The following CNTNAP2 variants were observed in gnomAD, a reference collection of about 807,000 sequenced individuals.
The protein encoded by CNTNAP2 is contactin-associated protein-like 2.
A neutral mutation model predicts 155.2 loss-of-function variants in CNTNAP2; 98 were observed. The ratio of observed to expected loss-of-function variants is 0.63; its 90% CI spans 0.54 to 0.75. The LOEUF is 0.75. Ranked by LOEUF, CNTNAP2 falls within the 30% of genes least tolerant of loss-of-function variation. CNTNAP2 has a pLI of 0.00. For synonymous variants in CNTNAP2, 651 were observed against 631.2 expected, an observed-to-expected ratio of 1.03 and a Z score of -0.47; for missense variants, 1,727 against 1,688.1, an observed-to-expected ratio of 1.02 and a Z score of -0.40.
chr7:147,622,319 T>C (rs914899625), intron 12 of CNTNAP2, among the ~76,000 whole-genome samples: 3 of 152,120 alleles, frequency 2.0e-5, no homozygotes, highest in Middle Eastern at 3.4e-3. Context: ...TTTCATCCAA[T>C]GGCTACAGAT....
At chr7:147,205,316 T>TAAA (rs1803001217) in intron 8 of CNTNAP2, among the ~76,000 whole-genome samples, 1 of 152,138 alleles carries the variant, frequency 6.6e-6, no homozygotes, top group African/African-American at 2.4e-5. Context: ...TTTGTTCTTT[T>TAAA]TGCTCAGGGT....
intron 8 of CNTNAP2, among the ~76,000 whole-genome samples, chr7:147,252,217 G>T (rs1423899298): frequency 1.3e-5 from 2 of 152,192 alleles, no homozygotes; most frequent in African/African-American, 2.4e-5. Flanking sequence ...TCTGGTTAAA[G>T]ATTAGGCTAC....
At chr7:147,360,783 C>G (rs919639009) in intron 9 of CNTNAP2, among the ~76,000 whole-genome samples, 2 of 152,114 alleles carry the variant, frequency 1.3e-5, no homozygotes, top group Non-Finnish European at 2.9e-5. Context: ...TTCGACCCCC[C>G]ACCTGCCATT....
chr7:147,232,871 AT>A (rs1715823590), intron 8 of CNTNAP2, among the ~76,000 whole-genome samples: 1 of 152,226 alleles, frequency 6.6e-6, no homozygotes, highest in Non-Finnish European at 1.5e-5. Context: ...AAAATAAACC[AT>A]GTAAAAGAGG....
intron 15 of CNTNAP2, among the ~76,000 whole-genome samples, chr7:148,027,098 C>T (rs947624393): frequency 7.9e-5 from 12 of 152,104 alleles, no homozygotes; most frequent in Non-Finnish European, 1.5e-4. Context: ...GGTTTTCACA[C>T]GACTGTGTGT....
At chr7:146,777,170 G>C (rs1207794789) in intron 2 of CNTNAP2, among the ~76,000 whole-genome samples, 1 of 151,926 alleles carries the variant, frequency 6.6e-6, no homozygotes. Context: ...TTATCACGTT[G>C]GGAAAGAAAG....
At chr7:146,189,157 TC>T (rs1406728796) in intron 1 of CNTNAP2, among the ~76,000 whole-genome samples, 2 of 152,190 alleles carry the variant, frequency 1.3e-5, no homozygotes, top group Non-Finnish European at 2.9e-5. Context: ...TCTAATTCTC[TC>T]AGGTAATGAA....
intron 15 of CNTNAP2, among the ~76,000 whole-genome samples, chr7:148,076,899 T>C (rs1803497525): frequency 6.6e-6 from 1 of 152,216 alleles, no homozygotes; most frequent in African/African-American, 2.4e-5. Flanking sequence ...TTCATCTAGC[T>C]GTATGGATAA....
intron 16 of CNTNAP2, among the ~76,000 whole-genome samples, chr7:148,143,356 C>T (rs1412543801): frequency 3.9e-5 from 6 of 152,112 alleles, no homozygotes; most frequent in Non-Finnish European, 1.5e-5. Flanking sequence ...CATAAGAAAT[C>T]CTAAGGTAGA....
At chr7:147,136,054 A>C (rs1162039375) in intron 8 of CNTNAP2, among the ~76,000 whole-genome samples, 3 of 151,754 alleles carry the variant, frequency 2.0e-5, no homozygotes, top group Non-Finnish European at 4.4e-5. Context: ...CTTTTGAAGT[A>C]AGTTTTTATT....
At chr7:146,265,447 T>C (rs1799979855) in intron 1 of CNTNAP2, among the ~76,000 whole-genome samples, 1 of 137,182 alleles carries the variant, frequency 7.3e-6, no homozygotes, top group African/African-American at 3.7e-5. Context: ...TTCTTTTTTT[T>C]TCTTTCTTTC....
At chr7:148,362,335 A>G (rs1177943) in intron 21 of CNTNAP2, among the ~76,000 whole-genome samples, 48,791 of 152,104 alleles carry the variant, frequency 0.32, 8,368 homozygotes, top group Non-Finnish European at 0.39. Flanking sequence ...ATTACAGTTC[A>G]AGGTGAGATT....
chr7:146,561,062 A>T (rs1473965649), intron 1 of CNTNAP2, among the ~76,000 whole-genome samples: 1 of 152,168 alleles, frequency 6.6e-6, no homozygotes, highest in South Asian at 2.1e-4. Flanking sequence ...ATTTTTAAAA[A>T]CATGTCTGCA....
chr7:146,587,922 C>T (rs980941652), intron 1 of CNTNAP2, among the ~76,000 whole-genome samples: 2 of 151,984 alleles, frequency 1.3e-5, no homozygotes, highest in South Asian at 4.2e-4. Context: ...GATCTGCCCA[C>T]CTCAGCCTCC....
At chr7:146,392,309 T>C (rs900697889) in intron 1 of CNTNAP2, among the ~76,000 whole-genome samples, 1 of 152,126 alleles carries the variant, frequency 6.6e-6, no homozygotes. Flanking sequence ...TAATGATCAA[T>C]GATGTAATAT....
chr7:146,709,562 G>A (rs753697202), intron 1 of CNTNAP2, among the ~76,000 whole-genome samples: 43 of 152,232 alleles, frequency 2.8e-4, no homozygotes, highest in African/African-American at 9.9e-4. Flanking sequence ...ATGATTGTCC[G>A]GAGAACCCTG....
intron 1 of CNTNAP2, among the ~76,000 whole-genome samples, chr7:146,470,876 A>AT (rs923016239): frequency 1.5e-4 from 22 of 151,236 alleles, no homozygotes; most frequent in South Asian, 2.1e-4. Flanking sequence ...CCCATATTTT[A>AT]TTTTTTTTTA....
At chr7:147,755,123 T>C (rs1177030052) in intron 13 of CNTNAP2, among the ~76,000 whole-genome samples, 1 of 152,130 alleles carries the variant, frequency 6.6e-6, no homozygotes, top group Non-Finnish European at 1.5e-5. Context: ...AGTTGTGACC[T>C]CAGGCAGAAA....
At chr7:147,178,830 G>A (rs556339111) in intron 8 of CNTNAP2, among the ~76,000 whole-genome samples, 21 of 152,202 alleles carry the variant, frequency 1.4e-4, no homozygotes, top group East Asian at 3.9e-4. Context: ...AACAAAAACC[G>A]TTGATTAAGG....
Sources: gnomAD v4.1 joint callset for allele counts (sites outside exome capture counted in the v4.1 genomes callset) on GRCh38, gnomAD v4.1.1 for gene constraint, MANE v1.5 for transcripts, NCBI Gene and HGNC (gene_info 2026-07-23, HGNC 2026-07-21) for gene names.